Variants in CFAP54 observed in about 807,000 individuals in gnomAD.
CFAP54 encodes cilia- and flagella-associated protein 54.
In CFAP54, 290 loss-of-function variants were observed where a neutral mutation model predicts 370.4. The ratio of observed to expected loss-of-function variants is 0.78; its 90% CI spans 0.71 to 0.86. The LOEUF (loss-of-function observed/expected upper bound fraction) is 0.86, where lower values mean the gene tolerates loss of function less well. CFAP54 is among the 40% of genes least tolerant of loss of function. The pLI, the probability that CFAP54 is intolerant of heterozygous loss-of-function variation, is 0.00. For missense variants in CFAP54, 3,399 were observed against 3,528.7 expected, an observed-to-expected ratio of 0.96 and a Z score of 0.93; for synonymous variants, 1,206 against 1,236.5, an observed-to-expected ratio of 0.98 and a Z score of 0.52.
intron 6 of CFAP54, 128 bp downstream of exon 6, chr12:96,519,199 A>G (rs1955275527): frequency 3.4e-6 from 3 of 881,264 alleles, no homozygotes; most frequent in Non-Finnish European, 3.2e-6. Context: ...CCCAGGTTCA[A>G]GCGATTCTCC....
chr12:96,547,488 T>A (rs1955652684), intron 14 of CFAP54, among the ~76,000 whole-genome samples: 1 of 152,064 alleles, frequency 6.6e-6, no homozygotes, highest in African/African-American at 2.4e-5. Flanking sequence ...ACCTGGCCTC[T>A]GAAAGATTTT....
rs144491956 is a variant in CFAP54 at position 96,778,865 on chromosome 12, T to TG, written c.8282-5849dup. On this transcript the variant is annotated intron_variant, in intron 60 of 67. Coordinates refer to ENST00000524981, the MANE Select transcript of CFAP54 (RefSeq NM_001306084.2). ...GCTCATGCCTATAATCCCAGCACAT[T>TG]GGGAGTCTGAGGTGGGTGGATCACC... Among the ~76,000 whole-genome samples the TG allele has an allele frequency of 8.6e-3, 1,302 of 152,160 alleles. 52 individuals are homozygous for TG. The East Asian group carries it at 0.097, about 11-fold the overall frequency.
chr12:96,576,327 TG>T (rs1485089308), intron 19 of CFAP54, among the ~76,000 whole-genome samples: 6 of 151,748 alleles, frequency 4.0e-5, no homozygotes, highest in African/African-American at 1.5e-4. Context: ...CTCATATTCA[TG>T]TATGATAATA....
intron 58 of CFAP54, among the ~76,000 whole-genome samples, chr12:96,759,695 G>A (rs10777814): frequency 0.36 from 55,278 of 151,948 alleles, 10,803 homozygotes; most frequent in East Asian, 0.58. Flanking sequence ...CATAGTACCT[G>A]TGTGGGTTTG....
intron 9 of CFAP54, 54 bp downstream of exon 9, chr12:96,527,498 A>G (rs929718945): frequency 8.0e-7 from 1 of 1,249,166 alleles, no homozygotes. Flanking sequence ...CATGAGTAAC[A>G]AAAATTTTAA....
At chr12:96,663,785 C>G in intron 38 of CFAP54, 45 bp from the exon 39 acceptor site, 1 of 1,392,244 alleles carries the variant, frequency 7.2e-7, no homozygotes, top group Non-Finnish European at 1.0e-6. Context: ...AAATTTTTAA[C>G]TATAAATACC....
At chr12:96,735,468 A>T (rs1209516948) in intron 50 of CFAP54, among the ~76,000 whole-genome samples, 2 of 152,224 alleles carry the variant, frequency 1.3e-5, no homozygotes, top group African/African-American at 4.8e-5. Context: ...AGCCAACAGA[A>T]GAGATCCATC....
intron 19 of CFAP54, 106 bp from the exon 20 acceptor site, chr12:96,576,479 A>G (rs1434766181): frequency 2.2e-6 from 2 of 892,846 alleles, no homozygotes; most frequent in Admixed American, 6.4e-5. Flanking sequence ...GGCTTGAAAA[A>G]CTGCATATAA....
At chr12:96,561,822 T>C (rs1955820147) in intron 17 of CFAP54, among the ~76,000 whole-genome samples, 1 of 140,556 alleles carries the variant, frequency 7.1e-6, no homozygotes, top group African/African-American at 2.7e-5. Flanking sequence ...TCACCCAGGC[T>C]GGAGTGGTGC....
Position 96,618,116 on chromosome 12 carries a change from C to T in CFAP54, c.3640-3474C>T, listed in dbSNP as rs1258454998. Among the ~76,000 whole-genome samples, 5 of 151,990 alleles carry T rather than the reference C, an allele frequency of 3.3e-5. No individual in the cohort carries two copies. In the East Asian group the frequency reaches 5.8e-4, roughly 18 times the overall value. ...GGGAAGGCCAGGTTACACTCTCTTT[C>T]CAGGGCACTGAACACAACTACTTAC... is the stretch of plus-strand genomic sequence containing the variant. On this transcript the variant is annotated intron_variant, in intron 26 of 67. Transcript: ENST00000524981.
At chr12:96,507,716 G>GGAAAA (rs1955123217) in intron 4 of CFAP54, among the ~76,000 whole-genome samples, 2 of 152,150 alleles carry the variant, frequency 1.3e-5, no homozygotes, top group Non-Finnish European at 2.9e-5. Context: ...TGTGTTCGAT[G>GGAAAA]TGCATAAGAC....
At chr12:96,700,201 G>A in intron 46 of CFAP54, 108 bp downstream of exon 46, 1 of 1,262,074 alleles carries the variant, frequency 7.9e-7, no homozygotes, top group Non-Finnish European at 1.1e-6. Flanking sequence ...TGGTATTTTA[G>A]CCCTCTTTGT....
intron 65 of CFAP54, among the ~76,000 whole-genome samples, chr12:96,827,819 TTA>T (rs1276586812): frequency 8.9e-6 from 1 of 112,902 alleles, no homozygotes; most frequent in East Asian, 2.3e-4. Flanking sequence ...TAGTAATATA[TTA>T]TATATAGTTA....
At chr12:96,579,340 A>C (rs1311789040) in intron 20 of CFAP54, among the ~76,000 whole-genome samples, 2 of 152,194 alleles carry the variant, frequency 1.3e-5, no homozygotes, top group African/African-American at 4.8e-5. Flanking sequence ...GGAAACTTGC[A>C]TCAGAAATTC....
rs756775917 is a variant in CFAP54, at chr12:96,638,205, ATGTGTGTGTGTGTG to A, written c.4317-5949_4317-5936del. Among the ~76,000 whole-genome samples, 60 of 122,616 alleles carry A rather than the reference ATGTGTGTGTGTGTG, an allele frequency of 4.9e-4. 2 individuals are homozygous for A. Among genetic ancestry groups the A allele is most frequent in the Non-Finnish European group, 7.1e-4 (42 of 58,956 alleles). The allele number at this position is 122,616 out of a possible 152,430, so 80.4% of individuals were successfully genotyped here. A position where few individuals can be genotyped will look rare whatever the true frequency, so the allele number is the denominator to read the frequency against. On this transcript the variant is annotated intron_variant, in intron 32 of 67. Transcript: ENST00000524981. ...GCATCATATATATATATATATATGC[ATGTGTGTGTGTGTG>A]TGTGTGTGTGTGTGTGTGTGTGTAT... is the stretch of plus-strand genomic sequence containing the variant.
At chr12:96,871,086 C>G (rs1039496188) in intron 67 of CFAP54, among the ~76,000 whole-genome samples, 14 of 152,152 alleles carry the variant, frequency 9.2e-5, no homozygotes. Context: ...AGGAGGGAGA[C>G]AGTGTGGGGA....
chr12:96,529,231 G>A (rs1049414280), intron 9 of CFAP54, among the ~76,000 whole-genome samples: 1 of 152,140 alleles, frequency 6.6e-6, no homozygotes, highest in Admixed American at 6.6e-5. Context: ...ATTTTTTGTT[G>A]TTGTTGGATG....
At chr12:96,771,725 C>T (rs145677822) in intron 60 of CFAP54, among the ~76,000 whole-genome samples, 230 of 152,188 alleles carry the variant, frequency 1.5e-3, no homozygotes, top group African/African-American at 5.3e-3. Context: ...TAATTCACAC[C>T]ACCTGAATGA....
At chr12:96,609,504 C>G (rs930397210) in intron 26 of CFAP54, among the ~76,000 whole-genome samples, 6 of 152,050 alleles carry the variant, frequency 3.9e-5, no homozygotes, top group African/African-American at 1.4e-4. Context: ...TTTTCTGGAG[C>G]CATTTCTTTA....
Sources: allele counts gnomAD v4.1 joint callset (sites outside exome capture counted in the v4.1 genomes callset), GRCh38; gene constraint gnomAD v4.1.1; transcripts MANE v1.5; gene names NCBI Gene and HGNC (gene_info 2026-07-23, HGNC 2026-07-21).